The following DEPDC5 variants were observed in gnomAD, a reference collection of about 807,000 sequenced individuals.
The protein encoded by DEPDC5 is GATOR1 complex protein DEPDC5.
In DEPDC5, 73 loss-of-function variants were observed where a neutral mutation model predicts 217.3. The observed-to-expected ratio is 0.34, with a 90% CI of 0.28 to 0.41. DEPDC5 has a LOEUF of 0.41. Among genes scored for constraint, DEPDC5 ranks in the 10% least tolerant of loss-of-function variants. DEPDC5 has a pLI of 1.00. For synonymous variants in DEPDC5, 733 were observed against 756.7 expected (o/e 0.97, Z 0.51); for missense variants, 1,675 against 2,070.1 (o/e 0.81, Z 3.70).
Position 31,857,540 on chromosome 22 carries a change from A to G in DEPDC5, c.3251A>G (p.Asp1084Gly), listed in dbSNP as rs774163630. The part of the protein sequence containing the change: ...SSVAMTPTYM[D>G]SPRKDGAFFM... ...GTTGCCATGACTCCCACCTACATGG[A>G]CAGCCCACGAAAGGTAAAGGAAGCC... The change falls in exon 32 of 43, where the codon GAC becomes GGC. Residue 1084 changes from aspartate (D) to glycine (G), a missense_variant. Asp to Gly is a moderately conservative substitution (Grantham distance 94). Around this residue, in one of 11 missense-constraint regions of DEPDC5, gnomAD observed 126 missense variants for 113.8 expected, o/e 1.11. Coordinates refer to ENST00000651528, the MANE Select transcript of DEPDC5 (RefSeq NM_001242896.3). The G allele has an allele frequency of 6.2e-7, 1 of 1,610,994 alleles. No homozygotes were observed. Among genetic ancestry groups the G allele is most frequent in the East Asian group, 2.2e-5 (1 of 44,818 alleles).
At chr22:31,779,790 G>C (rs989049033) in intron 8 of DEPDC5, among the ~76,000 whole-genome samples, 1 of 152,122 alleles carries the variant, frequency 6.6e-6, no homozygotes, top group Non-Finnish European at 1.5e-5. Flanking sequence ...TGGCGTCCTT[G>C]TGTCTTATTG....
intron 38 of DEPDC5, among the ~76,000 whole-genome samples, chr22:31,885,292 G>A (rs578153544): frequency 2.0e-5 from 3 of 152,250 alleles, no homozygotes; most frequent in Admixed American, 6.5e-5. Flanking sequence ...GCTGCACCAC[G>A]CTGGCTTCCA....
At chr22:31,902,443 TATACTC>T (rs2093668822) in intron 41 of DEPDC5, among the ~76,000 whole-genome samples, 2 of 146,310 alleles carry the variant, frequency 1.4e-5, no homozygotes, top group African/African-American at 5.0e-5. Flanking sequence ...TATACTTATA[TATACTC>T]ATACAACCAC....
intron 3 of DEPDC5, among the ~76,000 whole-genome samples, chr22:31,759,661 C>A (rs1176444604): frequency 6.9e-6 from 1 of 144,430 alleles, no homozygotes; most frequent in Admixed American, 7.2e-5. Flanking sequence ...CATGAGCTAC[C>A]TTGCCGCGCC....
rs746283220 is a variant in DEPDC5, at chr22:31,897,619, C to T, written c.4341C>T (p.Cys1447=). The change falls in exon 40 of 43, where the codon TGC becomes TGT. Residue 1447 remains cysteine (C), a synonymous_variant. Transcript: ENST00000651528. ...TCTTCATCCCACTCAACATCAGCTG[C>T]TTGCTCAAGGAGGGCAGCGAGCACC... is the stretch of plus-strand genomic sequence containing the variant. ...AQLFIPLNIS[C]LLKEGSEHLF... is the part of the protein sequence containing the mutation. The T allele has an allele frequency of 7.4e-6, 12 of 1,613,972 alleles. No homozygotes were observed. The South Asian group carries it at 1.2e-4, about 16-fold the overall frequency.
intron 37 of DEPDC5, among the ~76,000 whole-genome samples, chr22:31,879,067 T>C (rs368422510): frequency 0.011 from 1,524 of 133,836 alleles, 16 homozygotes; most frequent in African/African-American, 0.024. Context: ...TATATATATA[T>C]ACACACACAC....
intron 12 of DEPDC5, among the ~76,000 whole-genome samples, chr22:31,796,751 C>T (rs1309495825): frequency 6.6e-6 from 1 of 151,864 alleles, no homozygotes; most frequent in African/African-American, 2.4e-5. Context: ...GGCTGGAGTG[C>T]AGTGGCTCGA....
chr22:31,819,284 T>C (rs2089453723), intron 22 of DEPDC5, 59 bp downstream of exon 22: 2 of 1,581,688 alleles, frequency 1.3e-6, no homozygotes, highest in South Asian at 2.2e-5. Context: ...TGGTCCTCAG[T>C]GTCGGTCACC....
chr22:31,851,114 C>T (rs886535558), intron 31 of DEPDC5, among the ~76,000 whole-genome samples: 1 of 151,856 alleles, frequency 6.6e-6, no homozygotes, highest in Non-Finnish European at 1.5e-5. Flanking sequence ...ACACAGGGTC[C>T]ACATCTGCAC....
intron 41 of DEPDC5, 72 bp from the exon 42 acceptor site, chr22:31,905,912 C>A: frequency 7.4e-7 from 1 of 1,346,718 alleles, no homozygotes; most frequent in Non-Finnish European, 1.1e-6. Flanking sequence ...AGAGTCCTAT[C>A]AGCTACATTC....
Position 31,837,089 on chromosome 22 carries a change from G to T in DEPDC5, c.2288G>T (p.Arg763Leu), listed in dbSNP as rs542384516. The T allele has an allele frequency of 1.7e-5, 28 of 1,613,972 alleles. No homozygotes were observed. The highest frequency in any genetic ancestry group is 1.6e-4 in the Middle Eastern group (1 of 6,084). Residue 763 changes from arginine (R) to leucine (L), a missense_variant, in exon 26 of 43, where the codon CGC becomes CTC. Physicochemically the swap from Arg to Leu is moderately radical, Grantham distance 102 (BLOSUM62 -2). Transcript: ENST00000651528. ...CTTACCACCGACTACTTCCCTGACC[G>T]CCAGGGCCTGCAGAATGACTACACA... ...LPLTTDYFPD[R>L]QGLQNDYTEG... is the part of the protein sequence containing the mutation.
intron 28 of DEPDC5, among the ~76,000 whole-genome samples, 174 bp from the exon 29 acceptor site, chr22:31,843,471 A>G (rs915482755): frequency 1.3e-5 from 2 of 152,348 alleles, no homozygotes; most frequent in East Asian, 3.9e-4. Flanking sequence ...GAAGAAGGAA[A>G]GAGTTTAAGA....
chr22:31,854,057 C>G (rs1385213457), intron 31 of DEPDC5, among the ~76,000 whole-genome samples: 1 of 152,244 alleles, frequency 6.6e-6, no homozygotes, highest in Non-Finnish European at 1.5e-5. Context: ...GTGTCACTAC[C>G]TCCATGGAGG....
chr22:31,834,213 A>G, intron 25 of DEPDC5: 1 of 545,582 alleles, frequency 1.8e-6, no homozygotes, highest in East Asian at 3.1e-5. Flanking sequence ...CACCTGGGAA[A>G]GGTAGCAGAT....
intron 8 of DEPDC5, among the ~76,000 whole-genome samples, chr22:31,781,835 G>T (rs138285): frequency 0.43 from 65,187 of 151,918 alleles, 14,301 homozygotes; most frequent in Middle Eastern, 0.55. Context: ...AGGAGATTGA[G>T]ACCAGCCAGG....
intron 12 of DEPDC5, 137 bp from the exon 13 acceptor site, chr22:31,797,463 C>A: frequency 1.5e-6 from 1 of 661,506 alleles, no homozygotes; most frequent in East Asian, 2.7e-5. Flanking sequence ...GGAAACCACC[C>A]CCATGATCCA....
At chr22:31,781,058 C>A (rs1393410633) in intron 8 of DEPDC5, among the ~76,000 whole-genome samples, 2 of 151,876 alleles carry the variant, frequency 1.3e-5, no homozygotes, top group African/African-American at 4.8e-5. Context: ...CTCTACTAAA[C>A]ATACAAAATT....
At chr22:31,802,630 T>G in intron 14 of DEPDC5, 74 bp from the exon 15 acceptor site, 1 of 1,429,748 alleles carries the variant, frequency 7.0e-7, no homozygotes, top group Non-Finnish European at 9.3e-7. Flanking sequence ...TCTGAGAGTG[T>G]AGAGATGCTT....
intron 4 of DEPDC5, 64 bp downstream of exon 4, chr22:31,760,766 C>G (rs2082321140): frequency 3.7e-6 from 5 of 1,367,204 alleles, no homozygotes; most frequent in Non-Finnish European, 2.0e-6. Context: ...TAAGAAATCT[C>G]TCTTCATAAT....
Sources: gnomAD v4.1 joint callset for allele counts (sites outside exome capture counted in the v4.1 genomes callset) on GRCh38, gnomAD v4.1.1 for gene constraint, gnomAD v4.1.1 regional missense constraint, MANE v1.5 for transcripts, NCBI Gene and HGNC (gene_info 2026-07-23, HGNC 2026-07-21) for gene names.